The following PAK1 variants were observed in gnomAD, a reference collection of about 807,000 sequenced individuals.
The protein encoded by PAK1 is serine/threonine-protein kinase PAK 1.
A neutral mutation model predicts 67.4 loss-of-function variants in PAK1; 29 were observed. The ratio of observed to expected loss-of-function variants is 0.43; its 90% confidence interval spans 0.32 to 0.59. The LOEUF (loss-of-function observed/expected upper bound fraction) is 0.59, where lower values mean the gene tolerates loss of function less well. Ranked by LOEUF, PAK1 falls within the 20% of genes least tolerant of loss-of-function variation. The pLI, the probability that PAK1 is intolerant of heterozygous loss-of-function variation, is 0.07. For synonymous variants in PAK1, 223 were observed against 237.4 expected (o/e 0.94, Z 0.56); for missense variants, 337 against 670.7 (o/e 0.50, Z 5.50).
chr11:77,373,667 C>CACTTACAGGGCA (rs1948730321), intron 5 of PAK1, among the ~76,000 whole-genome samples: 1 of 151,736 alleles, frequency 6.6e-6, no homozygotes, highest in Non-Finnish European at 1.5e-5. Flanking sequence ...CCTGTAAGTG[C>CACTTACAGGGCA]CCTGGGAAAT....
Position 77,349,278 on chromosome 11 carries a change from G to A in PAK1, c.846C>T (p.Gly282=). 6.3e-7 allele frequency: 1 copy of A among 1,599,938 alleles called. No individual in the cohort carries two copies. Among genetic ancestry groups the A allele is most frequent in the South Asian group, 1.1e-5 (1 of 88,044 alleles). ...RFEKIGQGAS[G]TVYTAMDVAT... is the part of the protein sequence containing the mutation. ...CCACATCCATTGCTGTGTACACGGT[G>A]CCTGAAGCACTGAACAGTAAGGTGG... The change falls in exon 9 of 15, where the codon GGC becomes GGT. Residue 282 remains glycine, a synonymous_variant. Coordinates refer to ENST00000356341, the MANE Select transcript of PAK1 (RefSeq NM_002576.5).
At chr11:77,492,649 C>T in the PAK1 span, among the ~76,000 whole-genome samples, 2 of 151,090 alleles carry the variant, frequency 1.3e-5, no homozygotes, top group African/African-American at 4.9e-5. Context: ...TTAAGGTATC[C>T]TCCTTGTTAT....
Position 77,355,706 on chromosome 11 carries a change from T to G in PAK1, c.734A>C (p.Lys245Thr). The change falls in exon 7 of 15, where the codon AAG becomes ACG. Residue 245 changes from lysine to threonine, a missense_variant. Lys to Thr is a moderately conservative substitution (Grantham distance 78). Transcript: ENST00000356341. Reference sequence around the variant, plus strand: ...GATCTCCTCATCAGACATTTTAGGCTTCTTCTTCTGCTTCTCAGTATTCCG... The same window carrying G: ...GATCTCCTCATCAGACATTTTAGGCGTCTTCTTCTGCTTCTCAGTATTCCG... ...LTRNTEKQKK[K>T]PKMSDEEILE... The G allele has an allele frequency of 6.2e-7, 1 of 1,613,644 alleles. No individual in the cohort carries two copies.
At chr11:77,507,131 T>C in the PAK1 span, among the ~76,000 whole-genome samples, 1 of 152,198 alleles carries the variant, frequency 6.6e-6, no homozygotes, top group East Asian at 1.9e-4. Context: ...GCTACACAGC[T>C]GGTCAGCAGC....
intron 1 of PAK1, among the ~76,000 whole-genome samples, chr11:77,452,093 A>G (rs1389163461): frequency 1.3e-5 from 2 of 152,256 alleles, no homozygotes; most frequent in East Asian, 1.9e-4. Flanking sequence ...CACACAGTTA[A>G]TAAGTGATGG....
intron 4 of PAK1, among the ~76,000 whole-genome samples, chr11:77,376,136 G>A (rs1329773692): frequency 1.3e-5 from 2 of 152,066 alleles, no homozygotes; most frequent in Non-Finnish European, 2.9e-5. Context: ...CCAACTTTAC[G>A]TACTGCTAGT....
intron 1 of PAK1, among the ~76,000 whole-genome samples, chr11:77,428,862 G>A (rs1161959273): frequency 6.6e-6 from 1 of 151,386 alleles, no homozygotes; most frequent in Non-Finnish European, 1.5e-5. Flanking sequence ...TGTCATGGAA[G>A]AGCACCCTGC....
chr11:77,446,138 T>C (rs773335155), intron 1 of PAK1, among the ~76,000 whole-genome samples: 44 of 152,176 alleles, frequency 2.9e-4, no homozygotes, highest in Non-Finnish European at 5.0e-4. Context: ...ATAATAAATA[T>C]AATATTTGTT....
At chr11:77,529,320 A>G in the PAK1 span, among the ~76,000 whole-genome samples, 16 of 152,154 alleles carry the variant, frequency 1.1e-4, no homozygotes, top group Non-Finnish European at 1.6e-4. Context: ...ATTTTTATCT[A>G]TGCTGCAATC....
At chr11:77,413,593 G>A (rs1954773832) in intron 1 of PAK1, among the ~76,000 whole-genome samples, 2 of 152,126 alleles carry the variant, frequency 1.3e-5, no homozygotes, top group South Asian at 4.1e-4. Context: ...TGAGGCAGGA[G>A]AATCCCTTGA....
At chr11:77,340,599 A>C (rs756082505) in intron 11 of PAK1, 47 bp downstream of exon 11, 2 of 920,936 alleles carry the variant, frequency 2.2e-6, no homozygotes, top group Admixed American at 3.4e-5. Flanking sequence ...GGAGACAGGA[A>C]TATGGAGGCA....
intron 1 of PAK1, among the ~76,000 whole-genome samples, chr11:77,450,155 A>C (rs1241413028): frequency 1.3e-5 from 2 of 152,212 alleles, no homozygotes; most frequent in African/African-American, 4.8e-5. Flanking sequence ...TCCACAGTAT[A>C]TATGCTCAGA....
chr11:77,435,948 C>A (rs1194649566), intron 1 of PAK1, among the ~76,000 whole-genome samples: 1 of 151,838 alleles, frequency 6.6e-6, no homozygotes, highest in Non-Finnish European at 1.5e-5. Context: ...ATGAGCAGAC[C>A]CCAATGTTTA....
intron 8 of PAK1, among the ~76,000 whole-genome samples, chr11:77,352,041 C>T (rs580624): frequency 0.24 from 36,672 of 151,974 alleles, 5,034 homozygotes; most frequent in Non-Finnish European, 0.31. Context: ...AATAACTACA[C>T]TGTTCTGACT....
At chr11:77,440,486 G>A (rs1358949423) in intron 1 of PAK1, among the ~76,000 whole-genome samples, 2 of 152,122 alleles carry the variant, frequency 1.3e-5, no homozygotes, top group East Asian at 3.8e-4. Flanking sequence ...AATCTTCACA[G>A]CAATCCTAAT....
intron 1 of PAK1, among the ~76,000 whole-genome samples, chr11:77,409,581 C>T (rs1954191666): frequency 6.6e-6 from 1 of 151,802 alleles, no homozygotes; most frequent in African/African-American, 2.4e-5. Context: ...TGTATATATA[C>T]ACACAACGGA....
chr11:77,472,994 GTTGT>G (rs895684628), intron 1 of PAK1, among the ~76,000 whole-genome samples: 2 of 152,068 alleles, frequency 1.3e-5, no homozygotes, highest in Non-Finnish European at 2.9e-5. Context: ...TCCTTCCCCG[GTTGT>G]TTTTCACTTC....
chr11:77,458,773 C>T (rs550757444), intron 1 of PAK1, among the ~76,000 whole-genome samples: 12 of 152,144 alleles, frequency 7.9e-5, no homozygotes, highest in South Asian at 6.2e-4. Context: ...GAGAGTACTA[C>T]GAAAATTCAA....
chr11:77,449,532 C>T (rs1956764420), intron 1 of PAK1, among the ~76,000 whole-genome samples: 1 of 152,108 alleles, frequency 6.6e-6, no homozygotes, highest in Admixed American at 6.5e-5. Flanking sequence ...AGAGTTCAGG[C>T]AGACTCTTTT....
Sources: allele counts gnomAD v4.1 joint callset (sites outside exome capture counted in the v4.1 genomes callset), GRCh38; gene constraint gnomAD v4.1.1; transcripts MANE v1.5; gene names NCBI Gene and HGNC (gene_info 2026-07-23, HGNC 2026-07-21).